XPO6: variants seen among roughly 807,000 people sequenced by gnomAD.
XPO6 encodes the protein exportin-6.
A neutral mutation model predicts 130.0 loss-of-function variants in XPO6; 3 were observed. The observed-to-expected ratio is 0.02, with a 90% CI of 0.01 to 0.06. The LOEUF (loss-of-function observed/expected upper bound fraction) is 0.06, where lower values mean the gene tolerates loss of function less well. Ranked by LOEUF, XPO6 falls within the 10% of genes least tolerant of loss-of-function variation. XPO6 has a pLI of 1.00. For missense variants in XPO6, 970 were observed against 1,393.0 expected, an observed-to-expected ratio of 0.70 and a Z score of 4.83; for synonymous variants, 524 against 548.9, an observed-to-expected ratio of 0.95 and a Z score of 0.63.
intron 1 of XPO6, among the ~76,000 whole-genome samples, chr16:28,182,587 C>T (rs1443466251): frequency 6.6e-6 from 1 of 152,180 alleles, no homozygotes; most frequent in Non-Finnish European, 1.5e-5. Context: ...TTAGCCTAGC[C>T]CCCTACTCCT....
intron 1 of XPO6, among the ~76,000 whole-genome samples, chr16:28,205,551 C>T (rs1221197885): frequency 6.6e-6 from 1 of 152,156 alleles, no homozygotes. Context: ...TCTACTATCA[C>T]CTGTATCACA....
At chr16:28,102,272 T>A (rs2086669772) in intron 21 of XPO6, among the ~76,000 whole-genome samples, 1 of 152,208 alleles carries the variant, frequency 6.6e-6, no homozygotes, top group Non-Finnish European at 1.5e-5. Context: ...CCTGCCTGCC[T>A]GCTCCTGCTC....
chr16:28,187,774 A>C (rs1215941408), intron 1 of XPO6, among the ~76,000 whole-genome samples: 2 of 151,042 alleles, frequency 1.3e-5, no homozygotes, highest in Non-Finnish European at 2.9e-5. Flanking sequence ...AGGAACAAGA[A>C]AACTGTTGGT....
chr16:28,174,380 T>C (rs1029941888), intron 4 of XPO6, among the ~76,000 whole-genome samples: 1 of 152,196 alleles, frequency 6.6e-6, no homozygotes, highest in African/African-American at 2.4e-5. Context: ...CTTCCCTGGA[T>C]TGAGTTCTCA....
rs75456818 is a variant in XPO6 at position 28,111,794 on chromosome 16, G to T, written c.2341+23C>A. 6.9e-3 allele frequency: 11,178 copies of T among 1,611,388 alleles called. 52 individuals carry two copies. The highest frequency in any genetic ancestry group is 8.0e-3 in the Non-Finnish European group (9,368 of 1,177,980). Reference sequence around the variant, plus strand: ...TGCCTGCCTACCTCCTTCCCCAGCTGTCCTAGCCTAGGGGTCACTTACTGT... The same window carrying T: ...TGCCTGCCTACCTCCTTCCCCAGCTTTCCTAGCCTAGGGGTCACTTACTGT... On this transcript the variant is annotated intron_variant, in intron 17 of 23. Coordinates refer to ENST00000304658, the MANE Select transcript of XPO6 (RefSeq NM_015171.4).
intron 6 of XPO6, among the ~76,000 whole-genome samples, chr16:28,164,887 C>T (rs946714200): frequency 6.6e-6 from 1 of 152,118 alleles, no homozygotes; most frequent in Non-Finnish European, 1.5e-5. Context: ...ACCATGCTAG[C>T]GAGTATTCAA....
intron 5 of XPO6, among the ~76,000 whole-genome samples, chr16:28,167,993 A>G (rs1180231503): frequency 6.6e-6 from 1 of 152,126 alleles, no homozygotes; most frequent in Non-Finnish European, 1.5e-5. Context: ...TAGTGATGAC[A>G]ATGTTCTGGA....
In XPO6 at chr16:28,103,809, G is replaced by A. The variant is rs780926117; in HGVS notation, c.2946+737C>T. ...TGTGTGTGCGCGCGCATGCGCACGT[G>A]CATGCCTGTGTGCATGCTGTGTGCT... On this transcript the variant is annotated intron_variant, in intron 21 of 23. Transcript: ENST00000304658. Among the ~76,000 whole-genome samples the A allele has an allele frequency of 1.3e-3, 195 of 152,372 alleles. 1 individual carries two copies. The highest frequency in any genetic ancestry group is 2.1e-3 in the Non-Finnish European group (146 of 68,038).
chr16:28,178,826 T>C (rs1170277906), intron 2 of XPO6, among the ~76,000 whole-genome samples: 1 of 151,772 alleles, frequency 6.6e-6, no homozygotes, highest in African/African-American at 2.4e-5. Flanking sequence ...CCCAGCACTT[T>C]CGGAGGCCAA....
intron 1 of XPO6, 60 bp downstream of exon 1, chr16:28,211,306 C>A (rs1361120072): frequency 1.1e-5 from 14 of 1,306,926 alleles, no homozygotes; most frequent in Non-Finnish European, 1.4e-5. Context: ...AGCCCCGGGG[C>A]CCATTCCCAC....
rs372260416 is a variant in XPO6 at position 28,104,652 on chromosome 16, T to A, written c.2840A>T (p.His947Leu). ...CTTGAAGAAGTACCTCCAGTTGTGA[T>A]GGAGCGTCCGGAAAAGGAGCTCAAA... ...ELFELLFRTL[H>L]HNWRYFFKST... The change falls in exon 21 of 24, where the codon CAT becomes CTT. Residue 947 changes from histidine to leucine, a missense_variant. Physicochemically the swap from His to Leu is moderately conservative, Grantham distance 99 (BLOSUM62 -3). Around this residue, in one of 4 missense-constraint regions of XPO6, gnomAD observed 936 missense variants for 1,306.8 expected, o/e 0.72. Coordinates refer to ENST00000304658, the MANE Select transcript of XPO6 (RefSeq NM_015171.4). 13 of 1,614,200 alleles carry A rather than the reference T, an allele frequency of 8.1e-6. No homozygotes were observed. In the African/African-American group the frequency reaches 1.6e-4, roughly 20 times the overall value.
chr16:28,147,196 C>T (rs1300246529), intron 8 of XPO6, among the ~76,000 whole-genome samples: 2 of 152,124 alleles, frequency 1.3e-5, no homozygotes, highest in Non-Finnish European at 2.9e-5. Context: ...CATGGAGGTG[C>T]CCAAGAAATA....
chr16:28,121,830 G>A, intron 13 of XPO6, 68 bp from the exon 14 acceptor site: 4 of 1,097,800 alleles, frequency 3.6e-6, no homozygotes. Flanking sequence ...AACAGACAAG[G>A]CTGGTACCAG....
chr16:28,206,035 CA>C (rs1251090416), intron 1 of XPO6, among the ~76,000 whole-genome samples: 137 of 92,684 alleles, frequency 1.5e-3, no homozygotes, highest in African/African-American at 3.6e-3. Flanking sequence ...AAGACTGTCT[CA>C]AAAAAAAAAA....
chr16:28,198,676 A>T (rs927762139), intron 1 of XPO6, among the ~76,000 whole-genome samples: 1 of 151,974 alleles, frequency 6.6e-6, no homozygotes, highest in African/African-American at 2.4e-5. Context: ...AATTTAAAAA[A>T]AAAAGAAAAT....
Position 28,098,478 on chromosome 16 carries a change from G to C in XPO6, c.*60C>G. The C allele has an allele frequency of 6.8e-7, 1 of 1,464,362 alleles. No individual in the cohort carries two copies. Among genetic ancestry groups the C allele is most frequent in the Non-Finnish European group, 9.4e-7 (1 of 1,060,510 alleles). The allele number at this position is 1,464,362 out of a possible 1,614,324, so 90.7% of individuals were successfully genotyped here. ...GCCCATCTGGGAGACATCTGTGGTG[G>C]AAGGTAGGGCTGGCGCAGGTGGCAG... is the stretch of plus-strand genomic sequence containing the variant. On this transcript the variant is annotated 3_prime_UTR_variant, in exon 24 of 24. Coordinates refer to ENST00000304658, the MANE Select transcript of XPO6 (RefSeq NM_015171.4).
chr16:28,150,491 A>G (rs1308644227), intron 8 of XPO6, among the ~76,000 whole-genome samples: 1 of 152,194 alleles, frequency 6.6e-6, no homozygotes, highest in African/African-American at 2.4e-5. Context: ...GGAAACTGAA[A>G]TCTAAGTAAA....
intron 20 of XPO6, chr16:28,105,815 C>A: frequency 6.7e-6 from 4 of 595,082 alleles, no homozygotes; most frequent in South Asian, 3.0e-5. Context: ...TAGCAACTGA[C>A]CCTGTGGAAT....
chr16:28,113,183 G>T, intron 15 of XPO6, 133 bp from the exon 16 acceptor site: 3 of 1,167,786 alleles, frequency 2.6e-6, no homozygotes, highest in Non-Finnish European at 2.3e-6. Flanking sequence ...TCTAGCTCAA[G>T]AATTTTTCCT....
Sources: gnomAD v4.1 joint callset for allele counts (sites outside exome capture counted in the v4.1 genomes callset) on GRCh38, gnomAD v4.1.1 for gene constraint, gnomAD v4.1.1 regional missense constraint, MANE v1.5 for transcripts, NCBI Gene and HGNC (gene_info 2026-07-23, HGNC 2026-07-21) for gene names.